RYR3: variants seen among roughly 807,000 people sequenced by gnomAD.
RYR3 encodes the protein brain ryanodine receptor-calcium release channel.
Under a neutral mutation model 584.3 loss-of-function variants are expected in RYR3, and 207 were observed. The ratio of observed to expected loss-of-function variants is 0.35; its 90% CI spans 0.32 to 0.40. RYR3 has a LOEUF of 0.40. Among genes scored for constraint, RYR3 ranks in the 10% least tolerant of loss-of-function variants. RYR3 has a pLI of 1.00. For missense variants in RYR3, 5,616 were observed against 6,089.2 expected, an observed-to-expected ratio of 0.92 and a Z score of 2.59; for synonymous variants, 2,416 against 2,248.5, an observed-to-expected ratio of 1.07 and a Z score of -2.11.
Position 33,811,030 on chromosome 15 carries a change from A to C in RYR3, c.10250A>C (p.Gln3417Pro). The stretch of plus-strand genomic sequence containing the variant: ...CATCTGCGGAACAACTTGCACTTGC[A>C]GGAAAAGGTGATGACTCAGGACAGC... ...REHLRNNLHL[Q>P]EKSDDPAVKW... is the part of the protein sequence containing the mutation. Residue 3417 changes from glutamine (Q) to proline (P), a missense_variant, in exon 72 of 104, where the codon CAG becomes CCG. Gln to Pro is a moderately conservative substitution (Grantham distance 76). Around this residue, in one of 9 missense-constraint regions of RYR3, gnomAD observed 954 missense variants for 1,132.2 expected, o/e 0.84. Transcript: ENST00000634891. The C allele has an allele frequency of 6.2e-7, 1 of 1,608,194 alleles. No homozygotes were observed.
At chr15:33,438,935 G>C (rs16970947) in intron 1 of RYR3, among the ~76,000 whole-genome samples, 6,363 of 152,196 alleles carry the variant, frequency 0.042, 396 homozygotes, top group African/African-American at 0.14. Context: ...ATGTTTTTCT[G>C]TGGTCACTGT....
intron 1 of RYR3, among the ~76,000 whole-genome samples, chr15:33,367,107 A>G (rs1314546455): frequency 2.0e-5 from 3 of 152,212 alleles, no homozygotes; most frequent in Admixed American, 2.0e-4. Flanking sequence ...GCCTATTTTT[A>G]TTACTATAAG....
chr15:33,672,161 G>T (rs1002679726), intron 38 of RYR3, among the ~76,000 whole-genome samples: 2 of 152,032 alleles, frequency 1.3e-5, no homozygotes, highest in South Asian at 2.1e-4. Context: ...CTGGCGGGGG[G>T]TGGGGTCCCA....
chr15:33,644,566 G>A, intron 28 of RYR3, 47 bp downstream of exon 28: 2 of 1,465,820 alleles, frequency 1.4e-6, no homozygotes, highest in Non-Finnish European at 9.5e-7. Context: ...GGTGGGCCAA[G>A]GCCCTAAGCT....
In RYR3 at chr15:33,756,530, G is replaced by A. The variant is rs912152090; in HGVS notation, c.8583+157G>A. ...TCGTGTAACAGTCCCAAGGGAGGCT[G>A]GCAGTCCAAGGAGGGATGCAGTCTG... On this transcript the variant is annotated intron_variant, in intron 59 of 103. Transcript: ENST00000634891. 3.4e-5 allele frequency among the ~76,000 whole-genome samples: 5 copies of A among 149,104 alleles called. No individual in the cohort carries two copies. In the East Asian group the frequency reaches 9.7e-4, roughly 29 times the overall value.
At chr15:33,799,387 T>G (rs903021754) in intron 67 of RYR3, among the ~76,000 whole-genome samples, 2 of 152,072 alleles carry the variant, frequency 1.3e-5, no homozygotes, top group African/African-American at 4.8e-5. Flanking sequence ...ATATTGAGTT[T>G]AATAACCAAT....
intron 16 of RYR3, among the ~76,000 whole-genome samples, chr15:33,589,223 A>G (rs751029186): frequency 2.6e-5 from 4 of 152,160 alleles, no homozygotes; most frequent in Non-Finnish European, 5.9e-5. Context: ...GACGCTGAGC[A>G]TTTTTTCATA....
intron 21 of RYR3, among the ~76,000 whole-genome samples, chr15:33,629,208 G>T (rs77587145): frequency 6.6e-6 from 1 of 152,202 alleles, no homozygotes; most frequent in African/African-American, 2.4e-5. Context: ...AGGGTCTGTC[G>T]TGTAGTACAG....
At position 33,724,098 on chromosome 15, in the gene RYR3, C is replaced by T. The variant is rs772909257; in HGVS notation, c.6834C>T (p.Ile2278=). The T allele has an allele frequency of 1.7e-5, 27 of 1,611,716 alleles. No homozygotes were observed. The highest frequency in any genetic ancestry group is 1.6e-4 in the Middle Eastern group (1 of 6,062). Residue 2278 remains isoleucine (I), a synonymous_variant, in exon 45 of 104, where the codon ATC becomes ATT. Transcript: ENST00000634891. The part of the protein sequence containing the change: ...STGDDEEEEE[I]VHMGNAIMSF... The stretch of plus-strand genomic sequence containing the variant: ...GGGACGATGAAGAGGAAGAAGAAAT[C>T]GTGCATATGGGCAATGCAATTATGT...
intron 70 of RYR3, among the ~76,000 whole-genome samples, chr15:33,809,059 A>T (rs573400215): frequency 6.6e-6 from 1 of 152,338 alleles, no homozygotes; most frequent in South Asian, 2.1e-4. Flanking sequence ...GTGTCCATTA[A>T]TAATTATGAA....
At chr15:33,504,125 A>G (rs755648298) in intron 3 of RYR3, among the ~76,000 whole-genome samples, 36 of 152,316 alleles carry the variant, frequency 2.4e-4, no homozygotes, top group Non-Finnish European at 4.1e-4. Flanking sequence ...GACTGCTCCA[A>G]TGGAGCACAA....
rs1297221811 is a variant in RYR3 at position 33,603,171 on chromosome 15, C to T, written c.1971C>T (p.Tyr657=). 5 of 1,613,758 alleles carry T rather than the reference C, an allele frequency of 3.1e-6. No homozygotes were observed. Among genetic ancestry groups the T allele is most frequent in the Admixed American group, 3.3e-5 (2 of 59,994 alleles). ...FLGVAEGSAQ[Y]KKWYFELIID... ...GAGTCGCGGAGGGCTCAGCCCAGTA[C>T]AAGAAGTGGTACTTCGAGCTGATTA... The change falls in exon 18 of 104, where the codon TAC becomes TAT. Residue 657 remains tyrosine, a synonymous_variant. Coordinates refer to ENST00000634891, the MANE Select transcript of RYR3 (RefSeq NM_001036.6).
Position 33,857,868 on chromosome 15 carries a change from G to A in RYR3, c.14096G>A (p.Ser4699Asn). 6.2e-7 allele frequency: 1 copy of A among 1,614,142 alleles called. No homozygotes were observed. The highest frequency in any genetic ancestry group is 8.5e-7 in the Non-Finnish European group (1 of 1,180,020). ...FNFFRKFYNK[S>N]EDDDEPDMKC... is the part of the protein sequence containing the mutation. The stretch of plus-strand genomic sequence containing the variant: ...TTCTTCCGCAAGTTCTACAACAAAA[G>A]CGAAGACGATGACGAGCCCGATATG... Residue 4699 changes from serine (S) to asparagine (N), a missense_variant, in exon 99 of 104, where the codon AGC becomes AAC. By Grantham distance (46) the Ser-to-Asn change is conservative. Coordinates refer to ENST00000634891, the MANE Select transcript of RYR3 (RefSeq NM_001036.6).
In RYR3 at chr15:33,329,034, T is replaced by G. The variant is rs1514033; in HGVS notation, c.51+17938T>G. ...AAGTACTCCAGTTAAAGGAAATTTA[T>G]GGTTAGAGTAACGGCAGTTACTCCC... On this transcript the variant is annotated intron_variant, in intron 1 of 103. Transcript: ENST00000634891. Among the ~76,000 whole-genome samples, 145 of 152,146 alleles carry G rather than the reference T, an allele frequency of 9.5e-4. 2 individuals carry two copies. Among genetic ancestry groups the G allele is most frequent in the Admixed American group, 8.9e-3 (136 of 15,292 alleles).
intron 16 of RYR3, 124 bp downstream of exon 16, chr15:33,586,240 ACTGG>A: frequency 1.5e-6 from 1 of 671,392 alleles, no homozygotes; most frequent in Non-Finnish European, 2.6e-6. Context: ...ATCTTGGGAA[ACTGG>A]AAAAAAGACT....
intron 53 of RYR3, among the ~76,000 whole-genome samples, chr15:33,747,419 C>CTTTT (rs397854038): frequency 1.4e-4 from 10 of 71,948 alleles, no homozygotes; most frequent in Non-Finnish European, 1.9e-4. Flanking sequence ...TGTTGTCACC[C>CTTTT]TTTTTTTTTT....
intron 60 of RYR3, among the ~76,000 whole-genome samples, chr15:33,761,413 G>A (rs2072437127): frequency 6.6e-6 from 1 of 152,008 alleles, no homozygotes; most frequent in African/African-American, 2.4e-5. Flanking sequence ...AATGATAAAG[G>A]GGATATCACC....
intron 1 of RYR3, among the ~76,000 whole-genome samples, chr15:33,400,821 G>A (rs2042611764): frequency 6.6e-6 from 1 of 152,184 alleles, no homozygotes; most frequent in South Asian, 2.1e-4. Flanking sequence ...ACTATGACTT[G>A]AACAAGAAAA....
intron 3 of RYR3, among the ~76,000 whole-genome samples, chr15:33,524,126 A>G (rs2054221102): frequency 6.6e-6 from 1 of 152,182 alleles, no homozygotes; most frequent in Non-Finnish European, 1.5e-5. Flanking sequence ...CCCTACACAC[A>G]CATACACACA....
Sources: gnomAD v4.1 joint callset for allele counts (sites outside exome capture counted in the v4.1 genomes callset) on GRCh38, gnomAD v4.1.1 for gene constraint, gnomAD v4.1.1 regional missense constraint, MANE v1.5 for transcripts, NCBI Gene and HGNC (gene_info 2026-07-23, HGNC 2026-07-21) for gene names.